ZNF438: variants seen among roughly 807,000 people sequenced by gnomAD.
ZNF438 encodes zinc finger protein 438.
ZNF438 carries 25 observed loss-of-function variants against 38.0 expected under a neutral mutation model. That is an observed-to-expected ratio of 0.66 (90% confidence interval 0.48 to 0.92). The LOEUF is 0.92. ZNF438 is among the 40% of genes least tolerant of loss of function. ZNF438 has a pLI of 0.00. For missense variants in ZNF438, 1,007 were observed against 999.6 expected, an observed-to-expected ratio of 1.01 and a Z score of -0.10; for synonymous variants, 372 against 364.1, an observed-to-expected ratio of 1.02 and a Z score of -0.25.
intron 4 of ZNF438, among the ~76,000 whole-genome samples, chr10:30,850,662 G>A (rs956177788): frequency 2.6e-5 from 4 of 152,136 alleles, no homozygotes; most frequent in Non-Finnish European, 5.9e-5. Flanking sequence ...GCTTGACAGC[G>A]AAAATTCCGT....
At chr10:30,943,627 A>G (rs1051234994) in intron 1 of ZNF438, among the ~76,000 whole-genome samples, 1 of 152,178 alleles carries the variant, frequency 6.6e-6, no homozygotes, top group African/African-American at 2.4e-5. Context: ...GTGGGTTGAC[A>G]TTACTTTCAA....
At chr10:30,850,313 T>A (rs2033345617) in exon 5 of ZNF438, 3 of 1,614,238 alleles carry the variant, frequency 1.9e-6, no homozygotes. Context: ...AAACTGACTC[T>A]TATTCTGCAA....
intron 1 of ZNF438, among the ~76,000 whole-genome samples, chr10:30,950,830 C>T (rs1450988543): frequency 4.5e-5 from 5 of 111,862 alleles, no homozygotes; most frequent in Non-Finnish European, 9.5e-5. Context: ...CAAGGAGGAA[C>T]TGGTACCATT....
At chr10:31,031,049 C>G (rs1334058720) in intron 1 of ZNF438, among the ~76,000 whole-genome samples, 1 of 152,198 alleles carries the variant, frequency 6.6e-6, no homozygotes, top group Non-Finnish European at 1.5e-5. Flanking sequence ...GATCCCCATT[C>G]TATCAAGTTT....
intron 4 of ZNF438, among the ~76,000 whole-genome samples, chr10:30,870,261 TGTG>T (rs2037175525): frequency 6.6e-6 from 1 of 152,116 alleles, no homozygotes; most frequent in Non-Finnish European, 1.5e-5. Context: ...AATCAATACT[TGTG>T]GTGCTTTCAC....
chr10:30,923,778 T>G (rs1204168793), intron 2 of ZNF438, among the ~76,000 whole-genome samples: 3 of 152,148 alleles, frequency 2.0e-5, no homozygotes, highest in Non-Finnish European at 4.4e-5. Flanking sequence ...AAAAACACCT[T>G]CTTTAGGAAT....
At chr10:31,015,827 C>T (rs1236296966) in intron 1 of ZNF438, among the ~76,000 whole-genome samples, 1 of 152,190 alleles carries the variant, frequency 6.6e-6, no homozygotes, top group Non-Finnish European at 1.5e-5. Flanking sequence ...GGACCCTCTT[C>T]CTTGCTAGCA....
intron 1 of ZNF438, among the ~76,000 whole-genome samples, chr10:30,991,156 C>T (rs1226909006): frequency 3.3e-5 from 5 of 152,178 alleles, no homozygotes; most frequent in African/African-American, 7.2e-5. Flanking sequence ...TTTACTTACT[C>T]GAGAGCTCTA....
intron 3 of ZNF438, among the ~76,000 whole-genome samples, chr10:30,899,830 T>C (rs567733425): frequency 1.8e-4 from 28 of 152,302 alleles, no homozygotes; most frequent in Non-Finnish European, 3.1e-4. Context: ...AAGAAAATTT[T>C]AACCAACGTA....
intron 3 of ZNF438, among the ~76,000 whole-genome samples, chr10:30,889,183 T>C (rs570766180): frequency 1.3e-4 from 20 of 152,358 alleles, no homozygotes; most frequent in Admixed American, 2.0e-4. Flanking sequence ...TATCTCAATC[T>C]GTCCCATTTC....
At chr10:30,893,351 C>G (rs2040930925) in intron 3 of ZNF438, among the ~76,000 whole-genome samples, 1 of 152,280 alleles carries the variant, frequency 6.6e-6, no homozygotes, top group Admixed American at 6.5e-5. Flanking sequence ...CAACAAACTA[C>G]AAATGGGAAA....
intron 2 of ZNF438, among the ~76,000 whole-genome samples, chr10:30,938,186 C>A (rs1033173720): frequency 6.6e-6 from 1 of 152,172 alleles, no homozygotes; most frequent in African/African-American, 2.4e-5. Context: ...ATGAATTAAC[C>A]ACTCTGCTCC....
intron 3 of ZNF438, among the ~76,000 whole-genome samples, chr10:30,902,928 G>C (rs562238407): frequency 1.3e-5 from 2 of 152,292 alleles, no homozygotes; most frequent in South Asian, 2.1e-4. Context: ...CAGGCATGTC[G>C]GGCTGCAGGT....
intron 3 of ZNF438, among the ~76,000 whole-genome samples, chr10:30,885,179 G>A (rs924896876): frequency 6.6e-6 from 1 of 152,120 alleles, no homozygotes; most frequent in African/African-American, 2.4e-5. Context: ...ATATAAAAAA[G>A]GTAATGAGTC....
Position 30,972,038 on chromosome 10 carries a change from T to A in ZNF438, c.-191-30387A>T, listed in dbSNP as rs537387912. 4.7e-4 allele frequency among the ~76,000 whole-genome samples: 72 copies of A among 151,990 alleles called. No individual in the cohort carries two copies. The South Asian group carries it at 9.2e-3, about 19-fold the overall frequency. ...AGGCTGGAGTGCAGTGGCACAATCT[T>A]GGCTCACTGCAAGCTCTGCCTCCCA... On this transcript the variant is annotated intron_variant, in intron 1 of 5. Coordinates refer to ENST00000413025, the Ensembl canonical transcript of ZNF438.
intron 4 of ZNF438, among the ~76,000 whole-genome samples, chr10:30,858,052 C>G (rs998486510): frequency 6.6e-6 from 1 of 152,212 alleles, no homozygotes; most frequent in Non-Finnish European, 1.5e-5. Context: ...TTCCATTATT[C>G]CATCTGCTGG....
chr10:30,980,920 T>A (rs2052054927), intron 1 of ZNF438, among the ~76,000 whole-genome samples: 2 of 152,188 alleles, frequency 1.3e-5, no homozygotes, highest in African/African-American at 4.8e-5. Flanking sequence ...AAACCACTTT[T>A]TAGAGTCACA....
intron 1 of ZNF438, among the ~76,000 whole-genome samples, chr10:31,013,115 C>G (rs1024454446): frequency 6.6e-6 from 1 of 152,052 alleles, no homozygotes; most frequent in African/African-American, 2.4e-5. Flanking sequence ...GTCAGGAGAT[C>G]GAGACCATCC....
chr10:30,928,260 T>A (rs1336561089), intron 2 of ZNF438, among the ~76,000 whole-genome samples: 1 of 152,208 alleles, frequency 6.6e-6, no homozygotes, highest in African/African-American at 2.4e-5. Context: ...CATTTATTAG[T>A]TACATAGTCA....
Sources: gnomAD v4.1 joint callset for allele counts (sites outside exome capture counted in the v4.1 genomes callset) on GRCh38, gnomAD v4.1.1 for gene constraint, MANE v1.5 for transcripts, NCBI Gene and HGNC (gene_info 2026-07-23, HGNC 2026-07-21) for gene names.